SLC24A2: variants seen among roughly 807,000 people sequenced by gnomAD.
SLC24A2 encodes the protein sodium/potassium/calcium exchanger 2.
SLC24A2 carries 36 observed loss-of-function variants against 62.0 expected under a neutral mutation model. The ratio of observed to expected loss-of-function variants is 0.58; its 90% CI spans 0.44 to 0.77. The LOEUF is 0.77. SLC24A2 is among the 30% of genes least tolerant of loss of function. The pLI is 0.00. For synonymous variants in SLC24A2, 358 were observed against 294.0 expected (o/e 1.22, Z -2.23); for missense variants, 846 against 817.9 (o/e 1.03, Z -0.42).
intron 8 of SLC24A2, among the ~76,000 whole-genome samples, chr9:19,544,344 C>G (rs1045743686): frequency 2.7e-5 from 4 of 148,966 alleles, no homozygotes; most frequent in Non-Finnish European, 5.9e-5. Context: ...TGAGGTGGGT[C>G]TCCTGAATAC....
At chr9:19,760,532 C>A (rs1054725238) in intron 2 of SLC24A2, among the ~76,000 whole-genome samples, 3 of 151,796 alleles carry the variant, frequency 2.0e-5, no homozygotes, top group South Asian at 2.1e-4. Flanking sequence ...CTGACCCCCC[C>A]AACAGGCTCC....
At chr9:20,167,303 C>T in the SLC24A2 span, among the ~76,000 whole-genome samples, 1 of 139,650 alleles carries the variant, frequency 7.2e-6, no homozygotes, top group Non-Finnish European at 1.5e-5. Flanking sequence ...TGTAGCAATT[C>T]TGAAAAAATT....
chr9:20,111,994 T>C, the SLC24A2 span, among the ~76,000 whole-genome samples: 4 of 152,150 alleles, frequency 2.6e-5, no homozygotes, highest in African/African-American at 9.7e-5. Context: ...CGCTTCCAGA[T>C]ATAGTTTTGA....
At chr9:20,279,176 A>C in the SLC24A2 span, among the ~76,000 whole-genome samples, 1 of 152,226 alleles carries the variant, frequency 6.6e-6, no homozygotes, top group Non-Finnish European at 1.5e-5. Context: ...GGATTATGGG[A>C]ACTACAATTT....
the SLC24A2 span, among the ~76,000 whole-genome samples, chr9:19,845,975 T>G: frequency 1.3e-5 from 2 of 152,088 alleles, no homozygotes; most frequent in Admixed American, 6.5e-5. Context: ...CTTCATTTTT[T>G]TTTCTGAGTT....
At chr9:19,578,681 A>C (rs1389402485) in intron 5 of SLC24A2, among the ~76,000 whole-genome samples, 1 of 152,156 alleles carries the variant, frequency 6.6e-6, no homozygotes, top group African/African-American at 2.4e-5. Context: ...AGGATAAAGC[A>C]TGGCAGATTG....
At chr9:20,014,746 G>A in the SLC24A2 span, among the ~76,000 whole-genome samples, 1 of 151,992 alleles carries the variant, frequency 6.6e-6, no homozygotes, top group Non-Finnish European at 1.5e-5. Flanking sequence ...CTGTAGAGAG[G>A]GAGGAAAAGT....
the SLC24A2 span, among the ~76,000 whole-genome samples, chr9:20,100,779 T>C: frequency 1.3e-5 from 2 of 152,268 alleles, no homozygotes; most frequent in Non-Finnish European, 2.9e-5. Flanking sequence ...AAATTCCTTC[T>C]ACACTGATTA....
the SLC24A2 span, among the ~76,000 whole-genome samples, chr9:19,887,933 A>G: frequency 6.6e-6 from 1 of 152,204 alleles, no homozygotes; most frequent in African/African-American, 2.4e-5. Context: ...GTTCTCACTC[A>G]TAAGTGGGAG....
intron 2 of SLC24A2, among the ~76,000 whole-genome samples, chr9:19,723,648 A>G (rs1451236097): frequency 6.6e-6 from 1 of 152,122 alleles, no homozygotes; most frequent in Non-Finnish European, 1.5e-5. Context: ...GTCCCAGTAT[A>G]GTTGAATCAG....
the SLC24A2 span, among the ~76,000 whole-genome samples, chr9:19,956,052 G>A: frequency 6.6e-6 from 1 of 152,200 alleles, no homozygotes; most frequent in African/African-American, 2.4e-5. Flanking sequence ...ATTAAGAACT[G>A]GCTGCAGGAC....
the SLC24A2 span, among the ~76,000 whole-genome samples, chr9:20,176,079 A>T: frequency 6.6e-6 from 1 of 152,028 alleles, no homozygotes; most frequent in African/African-American, 2.4e-5. Flanking sequence ...TGAAACCGTA[A>T]CAACACTTGG....
the SLC24A2 span, among the ~76,000 whole-genome samples, chr9:20,194,260 G>A: frequency 6.6e-6 from 1 of 152,064 alleles, no homozygotes; most frequent in Admixed American, 6.6e-5. Flanking sequence ...TTAGACTTCT[G>A]TATGGAAGAA....
intron 2 of SLC24A2, among the ~76,000 whole-genome samples, chr9:19,671,508 A>C (rs1484837977): frequency 6.6e-6 from 1 of 152,106 alleles, no homozygotes; most frequent in Non-Finnish European, 1.5e-5. Context: ...AAACAGCAAC[A>C]GTTTGACTTC....
intron 8 of SLC24A2, among the ~76,000 whole-genome samples, chr9:19,544,852 C>G (rs1834469459): frequency 1.3e-5 from 2 of 152,122 alleles, no homozygotes; most frequent in South Asian, 4.1e-4. Flanking sequence ...TCTGGCTGCC[C>G]TTAACAATTT....
intron 7 of SLC24A2, among the ~76,000 whole-genome samples, chr9:19,569,017 A>T (rs1835759833): frequency 1.3e-5 from 2 of 152,130 alleles, no homozygotes; most frequent in African/African-American, 2.4e-5. Context: ...AACAACATGT[A>T]TTGGAGGTCA....
the SLC24A2 span, among the ~76,000 whole-genome samples, chr9:20,005,407 A>T: frequency 1.3e-5 from 2 of 152,192 alleles, no homozygotes; most frequent in Non-Finnish European, 2.9e-5. Flanking sequence ...AGGACTTTAC[A>T]TATGTTAGCT....
the SLC24A2 span, among the ~76,000 whole-genome samples, chr9:20,162,856 A>C: frequency 6.6e-6 from 1 of 152,178 alleles, no homozygotes; most frequent in Non-Finnish European, 1.5e-5. Context: ...AATCCAGCAC[A>C]TAATCAGCAC....
At chr9:19,665,829 T>C (rs1203547788) in intron 2 of SLC24A2, among the ~76,000 whole-genome samples, 1 of 152,022 alleles carries the variant, frequency 6.6e-6, no homozygotes. Context: ...CACATATATA[T>C]ATATGTAGAC....
Sources: gnomAD v4.1 joint callset for allele counts (sites outside exome capture counted in the v4.1 genomes callset) on GRCh38, gnomAD v4.1.1 for gene constraint, MANE v1.5 for transcripts, NCBI Gene and HGNC (gene_info 2026-07-23, HGNC 2026-07-21) for gene names.